Variants in CTDP1 observed in about 807,000 individuals in gnomAD.
CTDP1 encodes RNA polymerase II subunit A C-terminal domain phosphatase.
CTDP1 carries 47 observed loss-of-function variants against 91.8 expected under a neutral mutation model. That is an observed-to-expected ratio of 0.51 (90% CI 0.41 to 0.65). The LOEUF (loss-of-function observed/expected upper bound fraction) is 0.65. Ranked by LOEUF, CTDP1 falls within the 30% of genes least tolerant of loss-of-function variation. The pLI, the probability that CTDP1 is intolerant of heterozygous loss-of-function variation, is 0.00. For synonymous variants in CTDP1, 656 were observed against 598.5 expected, an observed-to-expected ratio of 1.10 and a Z score of -1.40; for missense variants, 1,272 against 1,373.7, an observed-to-expected ratio of 0.93 and a Z score of 1.17.
At chr18:79,727,017 T>G (rs945221606) in intron 10 of CTDP1, among the ~76,000 whole-genome samples, 237 of 73,460 alleles carry the variant, frequency 3.2e-3, no homozygotes, top group Non-Finnish European at 3.6e-3. Flanking sequence ...AGCTGTGGGG[T>G]ATGGGGGTGA....
At chr18:79,679,713 A>G (rs1599170057), upstream of CTDP1, 2 of 505,516 alleles carry the variant, frequency 4.0e-6, no homozygotes, top group East Asian at 8.3e-5. Flanking sequence ...CCCAGGACGG[A>G]GCCGGCTCCG....
chr18:79,720,640 G>A (rs1039980565), intron 10 of CTDP1, among the ~76,000 whole-genome samples: 1 of 152,244 alleles, frequency 6.6e-6, no homozygotes, highest in Non-Finnish European at 1.5e-5. Context: ...TCCTCGTGGT[G>A]ATGTCGTTTC....
intron 4 of CTDP1, among the ~76,000 whole-genome samples, chr18:79,701,004 T>G (rs992800420): frequency 2.0e-5 from 3 of 152,216 alleles, no homozygotes; most frequent in Non-Finnish European, 2.9e-5. Context: ...CATGGTTTAC[T>G]GACCATTCTA....
At chr18:79,739,806 G>GGACGGGTGGGACTCTCATACCCACGGCCA (rs1568215628) in intron 12 of CTDP1, among the ~76,000 whole-genome samples, 20 of 130,868 alleles carry the variant, frequency 1.5e-4, no homozygotes, top group African/African-American at 6.1e-4. Flanking sequence ...ACCCACGGCC[G>GGACGGGTGGGACTCTCATACCCACGGCCA]GGACGGGTGG....
intron 10 of CTDP1, 125 bp downstream of exon 10, chr18:79,718,141 C>T: frequency 2.7e-6 from 3 of 1,107,170 alleles, no homozygotes; most frequent in Middle Eastern, 3.9e-4. Flanking sequence ...GACGGTGACT[C>T]CTGCTTCCAC....
chr18:79,680,360 C>G (rs1832973092), intron 1 of CTDP1, 99 bp downstream of exon 1: 2 of 991,062 alleles, frequency 2.0e-6, no homozygotes, highest in Non-Finnish European at 2.6e-6. Context: ...CAGGGGCGCC[C>G]CTGGTGAGGG....
At chr18:79,681,464 A>G (rs1007037926) in intron 1 of CTDP1, 2 of 985,360 alleles carry the variant, frequency 2.0e-6, no homozygotes, top group Non-Finnish European at 1.2e-6. Flanking sequence ...ATCCCTACTG[A>G]GGTTTCATTC....
At chr18:79,725,262 C>T (rs2086422584) in intron 10 of CTDP1, among the ~76,000 whole-genome samples, 1 of 152,212 alleles carries the variant, frequency 6.6e-6, no homozygotes, top group African/African-American at 2.4e-5. Context: ...CGTCTGCCCC[C>T]AGGTTTGCTG....
intron 1 of CTDP1, among the ~76,000 whole-genome samples, chr18:79,683,414 A>T (rs995479684): frequency 6.6e-6 from 1 of 152,222 alleles, no homozygotes; most frequent in Non-Finnish European, 1.5e-5. Context: ...GCTTTTGTGG[A>T]GGCTCCAACC....
chr18:79,697,365 G>A (rs891211241), intron 3 of CTDP1, among the ~76,000 whole-genome samples: 13 of 152,208 alleles, frequency 8.5e-5, no homozygotes, highest in Admixed American at 6.5e-5. Context: ...TCTGGGCCCC[G>A]CGTGGAGGGA....
intron 1 of CTDP1, among the ~76,000 whole-genome samples, chr18:79,689,776 G>A (rs946047235): frequency 3.3e-5 from 5 of 152,032 alleles, no homozygotes; most frequent in East Asian, 1.9e-4. Flanking sequence ...GCGAGACTCC[G>A]TCACAAATAA....
chr18:79,746,959 T>G (rs1229600412), intron 12 of CTDP1, among the ~76,000 whole-genome samples: 1 of 152,148 alleles, frequency 6.6e-6, no homozygotes. Flanking sequence ...GTTAAAGTGG[T>G]CCTTGGTGCA....
At position 79,680,313 on chromosome 18, in the gene CTDP1, TC is replaced by T. The variant is rs769337405; in HGVS notation, c.314+54del. The T allele has an allele frequency of 1.8e-4, 216 of 1,224,826 alleles. 1 individual carries two copies. Among genetic ancestry groups the T allele is most frequent in the Non-Finnish European group, 2.2e-4 (213 of 979,152 alleles). 75.9% of individuals were successfully genotyped at this position (1,224,826 alleles called of 1,614,324 possible). The stretch of plus-strand genomic sequence containing the variant: ...GAGGGCGGGCGGCTCCGGGGAGGGA[TC>T]CTGGAGGACCCCCGGGCTGCTGCGT... On this transcript the variant is annotated intron_variant, in intron 1 of 12. Coordinates refer to ENST00000613122, the MANE Select transcript of CTDP1 (RefSeq NM_004715.5).
chr18:79,749,104 C>G (rs1385322848), intron 12 of CTDP1, among the ~76,000 whole-genome samples: 1 of 152,230 alleles, frequency 6.6e-6, no homozygotes, highest in Non-Finnish European at 1.5e-5. Flanking sequence ...GAACATATTT[C>G]TAAACCTCAA....
chr18:79,694,140 C>T (rs562839268), intron 1 of CTDP1, among the ~76,000 whole-genome samples: 49 of 151,716 alleles, frequency 3.2e-4, no homozygotes, highest in East Asian at 1.4e-3. Context: ...CGGAGCAGCC[C>T]GGCTGGGACG....
chr18:79,749,573 G>T (rs1361928000), intron 12 of CTDP1, among the ~76,000 whole-genome samples: 4 of 151,588 alleles, frequency 2.6e-5, no homozygotes, highest in South Asian at 4.2e-4. Context: ...ACCTGAGAGG[G>T]CACTTCGGCT....
intron 12 of CTDP1, among the ~76,000 whole-genome samples, chr18:79,738,553 G>C (rs987046987): frequency 1.3e-5 from 2 of 152,258 alleles, no homozygotes; most frequent in African/African-American, 4.8e-5. Context: ...GAAGAAGACA[G>C]TGCAGACTGC....
chr18:79,709,272 C>T (rs969741114), intron 5 of CTDP1, among the ~76,000 whole-genome samples: 1 of 152,188 alleles, frequency 6.6e-6, no homozygotes, highest in Non-Finnish European at 1.5e-5. Context: ...CAAGAGATAA[C>T]TTATTTTTAA....
At chr18:79,746,405 G>T (rs540239874) in intron 12 of CTDP1, among the ~76,000 whole-genome samples, 1 of 152,346 alleles carries the variant, frequency 6.6e-6, no homozygotes, top group Non-Finnish European at 1.5e-5. Context: ...TGCGTGTTCT[G>T]ACTCTGCGGT....
Sources: gnomAD v4.1 joint callset for allele counts (sites outside exome capture counted in the v4.1 genomes callset) on GRCh38, gnomAD v4.1.1 for gene constraint, MANE v1.5 for transcripts, NCBI Gene and HGNC (gene_info 2026-07-23, HGNC 2026-07-21) for gene names.